NHSL1: variants seen among roughly 807,000 people sequenced by gnomAD.
NHSL1 encodes NHS-like protein 1.
A neutral mutation model predicts 95.0 loss-of-function variants in NHSL1; 48 were observed. The observed-to-expected ratio is 0.51, with a 90% confidence interval of 0.40 to 0.64. The LOEUF is 0.64. Ranked by LOEUF, NHSL1 falls within the 30% of genes least tolerant of loss-of-function variation. The pLI is 0.00. For synonymous variants in NHSL1, 783 were observed against 833.9 expected, an observed-to-expected ratio of 0.94 and a Z score of 1.05; for missense variants, 1,971 against 2,077.7, an observed-to-expected ratio of 0.95 and a Z score of 1.00.
chr6:138,465,695 G>T (rs1048958132), intron 3 of NHSL1, among the ~76,000 whole-genome samples: 1 of 150,290 alleles, frequency 6.7e-6, no homozygotes, highest in African/African-American at 2.4e-5. Context: ...TGCAGCATCT[G>T]ATATATCTCC....
intron 1 of NHSL1, among the ~76,000 whole-genome samples, chr6:138,690,177 T>C (rs183227773): frequency 9.8e-5 from 15 of 152,352 alleles, no homozygotes; most frequent in Middle Eastern, 6.8e-3. Context: ...TGGAGTATGA[T>C]ATTCTGAAGA....
intron 1 of NHSL1, among the ~76,000 whole-genome samples, chr6:138,637,693 G>A (rs977956174): frequency 1.3e-5 from 2 of 152,192 alleles, no homozygotes; most frequent in African/African-American, 4.8e-5. Flanking sequence ...TCTCACCCCA[G>A]TTAAGATGGC....
intron 1 of NHSL1, among the ~76,000 whole-genome samples, chr6:138,674,836 G>C (rs572688968): frequency 1.3e-5 from 2 of 152,232 alleles, no homozygotes; most frequent in South Asian, 2.1e-4. Flanking sequence ...TACATACCCA[G>C]TAATAGGATT....
Position 138,431,054 on chromosome 6 carries a change from A to G in NHSL1, c.3291T>C (p.Ala1097=). 21 of 1,552,054 alleles carry G rather than the reference A, an allele frequency of 1.4e-5. No homozygotes were observed. The highest frequency in any genetic ancestry group is 1.7e-5 in the Non-Finnish European group (20 of 1,147,076). ...AEAAQLSERT[A]QEQRTPVAPQ... is the part of the protein sequence containing the mutation. ...GAGCAACTGGAGTTCGTTGTTCCTG[A>G]GCTGTTCGTTCAGACAACTGTGCCG... is the stretch of plus-strand genomic sequence containing the variant. Residue 1097 remains alanine (A), a synonymous_variant, in exon 6 of 8, where the codon GCT becomes GCC. Transcript: ENST00000343505. The surrounding 1 kb of genome is among the most constrained non-coding windows in gnomAD (Gnocchi z 4.0).
chr6:138,477,185 T>G (rs147113776), intron 2 of NHSL1, among the ~76,000 whole-genome samples: 1 of 152,210 alleles, frequency 6.6e-6, no homozygotes, highest in African/African-American at 2.4e-5. Flanking sequence ...TACTTATCTA[T>G]GTAATTCAGG....
At chr6:138,484,154 C>T (rs1462521246) in intron 2 of NHSL1, among the ~76,000 whole-genome samples, 10 of 152,144 alleles carry the variant, frequency 6.6e-5, no homozygotes, top group African/African-American at 2.4e-4. Flanking sequence ...GGGAAACTGA[C>T]CAATCTAGGA....
chr6:138,430,418 G>C lies in NHSL1; in HGVS notation c.3927C>G (p.Ser1309Arg), dbSNP rs1483760540. The C allele has an allele frequency of 1.3e-6, 2 of 1,493,580 alleles. No individual in the cohort carries two copies. Among genetic ancestry groups the C allele is most frequent in the Admixed American group, 2.2e-5 (1 of 45,002 alleles). 92.5% of individuals were successfully genotyped at this position (1,493,580 alleles called of 1,614,324 possible). ...NSADTGGDGE[S>R]CLSQQDGAAG... ...CTGCTCCGTCCTGTTGAGATAGGCA[G>C]CTCTCCCCATCGCCCCCAGTATCCG... Residue 1309 changes from serine (S) to arginine (R), a missense_variant, in exon 6 of 8, where the codon AGC becomes AGG. Coordinates refer to ENST00000343505, the MANE Select transcript of NHSL1 (RefSeq NM_001144060.2). The surrounding 1 kb of genome is among the most constrained non-coding windows in gnomAD (Gnocchi z 4.7).
At chr6:138,468,176 T>G (rs760299629) in intron 3 of NHSL1, among the ~76,000 whole-genome samples, 14 of 152,246 alleles carry the variant, frequency 9.2e-5, no homozygotes, top group Non-Finnish European at 1.9e-4. Flanking sequence ...CCAGAGCAAC[T>G]TCCAGTCCTG....
At chr6:138,572,709 A>G (rs748678091), upstream of NHSL1, among the ~76,000 whole-genome samples, 3 of 152,204 alleles carry the variant, frequency 2.0e-5, no homozygotes, top group Non-Finnish European at 4.4e-5. Context: ...TGGCAGCTCA[A>G]ACTTCTGAAC....
At chr6:138,490,874 C>G (rs1050340362) in intron 2 of NHSL1, among the ~76,000 whole-genome samples, 1 of 152,180 alleles carries the variant, frequency 6.6e-6, no homozygotes, top group African/African-American at 2.4e-5. Flanking sequence ...CCTCGTGATC[C>G]GCCCGCCTTG....
intron 2 of NHSL1, among the ~76,000 whole-genome samples, chr6:138,483,425 T>C (rs1779542177): frequency 6.6e-6 from 1 of 152,256 alleles, no homozygotes; most frequent in Non-Finnish European, 1.5e-5. Context: ...CTACTTTTAG[T>C]CCCTAAAGAA....
chr6:138,613,038 C>T (rs1239566920), intron 1 of NHSL1, among the ~76,000 whole-genome samples: 1 of 152,120 alleles, frequency 6.6e-6, no homozygotes, highest in Non-Finnish European at 1.5e-5. Context: ...TTCAAGCAAA[C>T]CCTAAGAAAC....
At chr6:138,630,265 G>A (rs1225895315) in intron 1 of NHSL1, among the ~76,000 whole-genome samples, 5 of 151,758 alleles carry the variant, frequency 3.3e-5, no homozygotes, top group South Asian at 2.1e-4. Context: ...AACTACATAC[G>A]TTGATTATTT....
intron 5 of NHSL1, among the ~76,000 whole-genome samples, chr6:138,440,295 AAG>A (rs1776445570): frequency 6.6e-6 from 1 of 152,200 alleles, no homozygotes; most frequent in African/African-American, 2.4e-5. Context: ...GAATGGAAAA[AAG>A]AGTCTGAAAG....
intron 1 of NHSL1, among the ~76,000 whole-genome samples, chr6:138,594,637 C>A (rs1026030935): frequency 6.6e-6 from 1 of 151,886 alleles, no homozygotes; most frequent in African/African-American, 2.4e-5. Context: ...GAGCTGAAAA[C>A]CACTCTTCTG....
intron 1 of NHSL1, among the ~76,000 whole-genome samples, chr6:138,536,587 A>C (rs1372691428): frequency 1.5e-5 from 2 of 133,516 alleles, no homozygotes; most frequent in Admixed American, 7.7e-5. Context: ...GGTTTTGGAG[A>C]GGGACATATG....
At chr6:138,583,062 T>G (rs1784084838) in intron 1 of NHSL1, among the ~76,000 whole-genome samples, 2 of 152,190 alleles carry the variant, frequency 1.3e-5, no homozygotes, top group African/African-American at 4.8e-5. Context: ...CCCGTGTGCC[T>G]GAAAATGAGG....
At chr6:138,496,504 A>G in intron 1 of NHSL1, 133 bp from the exon 2 acceptor site, 3 of 828,118 alleles carry the variant, frequency 3.6e-6, no homozygotes, top group Non-Finnish European at 3.8e-6. Flanking sequence ...CAAATCCTAA[A>G]TTAGTTTTAA....
At chr6:138,675,591 G>A (rs1450137608) in intron 1 of NHSL1, among the ~76,000 whole-genome samples, 1 of 152,082 alleles carries the variant, frequency 6.6e-6, no homozygotes, top group Admixed American at 6.6e-5. Context: ...CTGGAGTGCA[G>A]TGGTGTGATC....
Sources: allele counts gnomAD v4.1 joint callset (sites outside exome capture counted in the v4.1 genomes callset), GRCh38; gene constraint gnomAD v4.1.1; non-coding constraint Gnocchi (gnomAD v3.1); transcripts MANE v1.5; gene names NCBI Gene and HGNC (gene_info 2026-07-23, HGNC 2026-07-21).